The following CACNA1E variants were observed in gnomAD, a reference collection of about 807,000 sequenced individuals.
CACNA1E encodes the protein voltage-dependent R-type calcium channel subunit alpha-1E.
CACNA1E carries 40 observed loss-of-function variants against 259.2 expected under a neutral mutation model. The observed-to-expected ratio is 0.15, with a 90% CI of 0.12 to 0.20. The LOEUF is 0.20. Among genes scored for constraint, CACNA1E ranks in the 10% least tolerant of loss-of-function variants. The pLI, the probability that CACNA1E is intolerant of heterozygous loss-of-function variation, is 1.00. For synonymous variants in CACNA1E, 1,104 were observed against 1,138.5 expected, an observed-to-expected ratio of 0.97 and a Z score of 0.61; for missense variants, 1,874 against 3,040.1, an observed-to-expected ratio of 0.62 and a Z score of 9.02.
intron 18 of CACNA1E, among the ~76,000 whole-genome samples, chr1:181,727,449 G>A (rs564382716): frequency 4.6e-5 from 7 of 152,360 alleles, no homozygotes; most frequent in African/African-American, 1.7e-4. Context: ...AATGAAAGCT[G>A]TTAGTGACCT....
intron 2 of CACNA1E, among the ~76,000 whole-genome samples, chr1:181,461,312 C>A (rs11580179): frequency 6.6e-6 from 1 of 151,948 alleles, no homozygotes; most frequent in Non-Finnish European, 1.5e-5. Flanking sequence ...GAGGCCGAGG[C>A]GGGCGGATCA....
chr1:181,536,705 G>C (rs770129626), intron 3 of CACNA1E, among the ~76,000 whole-genome samples: 2 of 152,174 alleles, frequency 1.3e-5, no homozygotes, highest in African/African-American at 4.8e-5. Context: ...TCTGGCAAGG[G>C]TATAGAAGTG....
At chr1:181,565,996 T>G (rs1649792178) in intron 3 of CACNA1E, among the ~76,000 whole-genome samples, 2 of 152,204 alleles carry the variant, frequency 1.3e-5, no homozygotes, top group Admixed American at 1.3e-4. Context: ...TCTTATAATG[T>G]GGGATTTCCC....
At chr1:181,416,511 A>G (rs1469432951) in intron 2 of CACNA1E, among the ~76,000 whole-genome samples, 1 of 152,142 alleles carries the variant, frequency 6.6e-6, no homozygotes, top group East Asian at 1.9e-4. Context: ...CGGTTTCACT[A>G]ATACACTGTC....
chr1:181,519,265 G>A (rs1666822100), intron 3 of CACNA1E, among the ~76,000 whole-genome samples: 1 of 152,216 alleles, frequency 6.6e-6, no homozygotes. Context: ...CCTTTGGGTA[G>A]AGATTTGTGC....
At chr1:181,668,521 C>A (rs1333630783) in intron 7 of CACNA1E, among the ~76,000 whole-genome samples, 1 of 152,110 alleles carries the variant, frequency 6.6e-6, no homozygotes, top group African/African-American at 2.4e-5. Context: ...AGAGTGCAGT[C>A]GCTGGGCCAT....
rs3766982 is a variant in CACNA1E, at chr1:181,677,845, A to G, written c.1055+26404A>G. Among the ~76,000 whole-genome samples the G allele has an allele frequency of 7.7e-4, 118 of 152,304 alleles. 2 individuals carry two copies. In the East Asian group the frequency reaches 0.022, roughly 28 times the overall value. Reference sequence around the variant, plus strand: ...TTTTGGGGGAGAAGTTTTAGGAATAACAGGATGATCCCCAACTTTGAGGCA... The same window carrying G: ...TTTTGGGGGAGAAGTTTTAGGAATAGCAGGATGATCCCCAACTTTGAGGCA... On this transcript the variant is annotated intron_variant, in intron 7 of 47. Coordinates refer to ENST00000367573, the MANE Select transcript of CACNA1E (RefSeq NM_001205293.3).
intron 46 of CACNA1E, 144 bp downstream of exon 46, chr1:181,795,188 A>T: frequency 1.4e-6 from 1 of 701,308 alleles, no homozygotes; most frequent in Non-Finnish European, 2.3e-6. Context: ...TACCAAAGGG[A>T]ATTCCTGTAT....
At chr1:181,424,812 C>G (rs1659038440) in intron 2 of CACNA1E, among the ~76,000 whole-genome samples, 1 of 152,138 alleles carries the variant, frequency 6.6e-6, no homozygotes, top group African/African-American at 2.4e-5. Context: ...GCCTGGTGCT[C>G]AAGCCGGATC....
intron 1 of CACNA1E, among the ~76,000 whole-genome samples, chr1:181,496,048 G>A (rs1664725608): frequency 6.6e-6 from 1 of 152,126 alleles, no homozygotes; most frequent in Non-Finnish European, 1.5e-5. Context: ...ATCAGAACTC[G>A]TGCTCTTAAT....
chr1:181,545,474 G>T (rs1647343695), intron 3 of CACNA1E, among the ~76,000 whole-genome samples: 1 of 152,178 alleles, frequency 6.6e-6, no homozygotes, highest in Non-Finnish European at 1.5e-5. Context: ...CAGGGCTGTG[G>T]GGGGATGGCA....
At chr1:181,702,845 C>G (rs1269390671) in intron 7 of CACNA1E, among the ~76,000 whole-genome samples, 1 of 152,226 alleles carries the variant, frequency 6.6e-6, no homozygotes, top group Admixed American at 6.5e-5. Flanking sequence ...ACTTACTATA[C>G]TTCTCTGCTT....
intron 3 of CACNA1E, among the ~76,000 whole-genome samples, chr1:181,545,178 T>A (rs1647312245): frequency 6.6e-6 from 1 of 152,178 alleles, no homozygotes; most frequent in Non-Finnish European, 1.5e-5. Context: ...GGACAGTAGT[T>A]ACTCCCAGAA....
chr1:181,624,644 G>A (rs1212530119), intron 6 of CACNA1E, among the ~76,000 whole-genome samples: 1 of 152,128 alleles, frequency 6.6e-6, no homozygotes, highest in Admixed American at 6.6e-5. Flanking sequence ...TTCTCTTGCT[G>A]TTTTCACCCC....
At chr1:181,467,566 G>A (rs542590861) in intron 2 of CACNA1E, among the ~76,000 whole-genome samples, 43 of 152,264 alleles carry the variant, frequency 2.8e-4, no homozygotes, top group Admixed American at 1.8e-3. Context: ...TTCAGACTCT[G>A]CTGTCCCTTC....
intron 6 of CACNA1E, among the ~76,000 whole-genome samples, chr1:181,633,152 C>G (rs566892172): frequency 3.3e-5 from 5 of 152,176 alleles, no homozygotes; most frequent in African/African-American, 9.6e-5. Context: ...CTCGCACCAC[C>G]AGAACTGGAT....
At chr1:181,525,637 C>A (rs1667296943) in intron 3 of CACNA1E, among the ~76,000 whole-genome samples, 1 of 152,164 alleles carries the variant, frequency 6.6e-6, no homozygotes, top group South Asian at 2.1e-4. Flanking sequence ...GAGGGAAAAC[C>A]AACCTTTCCA....
chr1:181,693,242 T>C (rs977290287), intron 7 of CACNA1E, among the ~76,000 whole-genome samples: 2 of 152,014 alleles, frequency 1.3e-5, no homozygotes, highest in Non-Finnish European at 2.9e-5. Context: ...GAAAGCAGTT[T>C]GGAGATTTCT....
At position 181,602,172 on chromosome 1, in the gene CACNA1E, T is replaced by C. The variant is rs574621446; in HGVS notation, c.951+21396T>C. Among the ~76,000 whole-genome samples the C allele has an allele frequency of 5.3e-5, 8 of 152,354 alleles. No homozygotes were observed. The East Asian group carries it at 1.3e-3, about 26-fold the overall frequency. ...TCACTAGCGACCACAGTATATACTT[T>C]GCCTGTTTATTTTGTCTATTGGCTA... is the stretch of plus-strand genomic sequence containing the variant. On this transcript the variant is annotated intron_variant, in intron 6 of 47. Transcript: ENST00000367573.
Sources: gnomAD v4.1 joint callset for allele counts (sites outside exome capture counted in the v4.1 genomes callset) on GRCh38, gnomAD v4.1.1 for gene constraint, MANE v1.5 for transcripts, NCBI Gene and HGNC (gene_info 2026-07-23, HGNC 2026-07-21) for gene names.